The following HS6ST3 variants were observed in gnomAD, a reference collection of about 807,000 sequenced individuals.
HS6ST3 encodes heparan sulfate 6-O-sulfotransferase 3, also known as heparan-sulfate 6-O-sulfotransferase 3.
Under a neutral mutation model 36.7 loss-of-function variants are expected in HS6ST3, and 12 were observed. That is an observed-to-expected ratio of 0.33 (90% CI 0.21 to 0.53). HS6ST3 has a LOEUF of 0.53. Among genes scored for constraint, HS6ST3 ranks in the 20% least tolerant of loss-of-function variants. The pLI is 0.95. For missense variants in HS6ST3, 584 were observed against 640.9 expected, an observed-to-expected ratio of 0.91 and a Z score of 0.96; for synonymous variants, 240 against 257.5, an observed-to-expected ratio of 0.93 and a Z score of 0.65.
At chr13:96,189,720 C>T (rs560913677) in intron 1 of HS6ST3, among the ~76,000 whole-genome samples, 44 of 152,292 alleles carry the variant, frequency 2.9e-4, no homozygotes, top group Admixed American at 5.2e-4. Flanking sequence ...TGCGGGATGA[C>T]TGTGGGTCAG....
intron 1 of HS6ST3, among the ~76,000 whole-genome samples, chr13:96,396,498 A>G (rs575842870): frequency 6.6e-6 from 1 of 152,258 alleles, no homozygotes; most frequent in East Asian, 1.9e-4. Context: ...ATATAGATAT[A>G]TAGGTTCTAC....
chr13:96,150,052 C>T (rs1029440568), intron 1 of HS6ST3, among the ~76,000 whole-genome samples: 1 of 152,062 alleles, frequency 6.6e-6, no homozygotes, highest in Non-Finnish European at 1.5e-5. Flanking sequence ...CTGTTTTGTT[C>T]CTGCCATCCG....
chr13:96,128,791 G>T (rs1179113264), intron 1 of HS6ST3, among the ~76,000 whole-genome samples: 3 of 151,726 alleles, frequency 2.0e-5, no homozygotes, highest in African/African-American at 7.3e-5. Flanking sequence ...AAATGTGAAT[G>T]TGCCTGGGAG....
At chr13:96,487,386 A>G (rs527629299) in intron 1 of HS6ST3, among the ~76,000 whole-genome samples, 1 of 152,232 alleles carries the variant, frequency 6.6e-6, no homozygotes, top group Admixed American at 6.6e-5. Context: ...TGGTCTGTGT[A>G]CCTTATTTCC....
chr13:96,630,191 T>C (rs2056527164), intron 1 of HS6ST3, among the ~76,000 whole-genome samples: 1 of 152,216 alleles, frequency 6.6e-6, no homozygotes, highest in African/African-American at 2.4e-5. Context: ...ACTTAACATA[T>C]GAAGTATTTG....
intron 1 of HS6ST3, among the ~76,000 whole-genome samples, chr13:96,413,643 C>A (rs2055519162): frequency 6.6e-6 from 1 of 152,182 alleles, no homozygotes; most frequent in Non-Finnish European, 1.5e-5. Flanking sequence ...CCAGATCCAT[C>A]TTGAATTTGC....
intron 1 of HS6ST3, among the ~76,000 whole-genome samples, chr13:96,169,087 C>T (rs2054174856): frequency 6.6e-6 from 1 of 152,168 alleles, no homozygotes. Context: ...TTATTTCTGG[C>T]CTGCTGTTGT....
chr13:96,245,195 A>G (rs1159160786), intron 1 of HS6ST3, among the ~76,000 whole-genome samples: 5 of 152,122 alleles, frequency 3.3e-5, no homozygotes, highest in Non-Finnish European at 5.9e-5. Flanking sequence ...CTCTCCTTAG[A>G]GCTGGTCCCT....
intron 1 of HS6ST3, among the ~76,000 whole-genome samples, chr13:96,519,500 C>A (rs2056085269): frequency 6.6e-6 from 1 of 152,192 alleles, no homozygotes. Context: ...ATGGTCCAAC[C>A]AGTGGACATT....
rs768819476 is a variant in HS6ST3 at position 96,453,192 on chromosome 13, A to G, written c.707+361623A>G. 2.9e-4 allele frequency among the ~76,000 whole-genome samples: 44 copies of G among 152,128 alleles called. No individual in the cohort carries two copies. The Middle Eastern group carries it at 0.014, about 47-fold the overall frequency. ...AAAATGCTCTTTTTAAAAAAAAAAA[A>G]AAAAGAAAAAAAGATTTAGAGAGTA... is the stretch of plus-strand genomic sequence containing the variant. On this transcript the variant is annotated intron_variant, in intron 1 of 1. Coordinates refer to ENST00000376705, the MANE Select transcript of HS6ST3 (RefSeq NM_153456.4).
At chr13:96,393,321 A>G (rs1360408044) in intron 1 of HS6ST3, among the ~76,000 whole-genome samples, 1 of 152,158 alleles carries the variant, frequency 6.6e-6, no homozygotes, top group African/African-American at 2.4e-5. Context: ...AGCCCGGAGG[A>G]GACCTAGGGA....
intron 1 of HS6ST3, among the ~76,000 whole-genome samples, chr13:96,643,406 C>T (rs2056577341): frequency 2.0e-5 from 3 of 151,920 alleles, no homozygotes; most frequent in Admixed American, 2.0e-4. Context: ...TGCACAAGGG[C>T]TTCCAGATTC....
chr13:96,130,530 T>C (rs2053970547), intron 1 of HS6ST3, among the ~76,000 whole-genome samples: 3 of 152,200 alleles, frequency 2.0e-5, no homozygotes, highest in South Asian at 4.1e-4. Context: ...GTTGACCAGA[T>C]AGTATTTGAG....
intron 1 of HS6ST3, among the ~76,000 whole-genome samples, chr13:96,601,634 A>G (rs1383479493): frequency 1.3e-5 from 2 of 152,140 alleles, no homozygotes; most frequent in African/African-American, 2.4e-5. Flanking sequence ...TTTGATTTGA[A>G]TCTACTGCTG....
At chr13:96,357,519 A>T (rs1198860355) in intron 1 of HS6ST3, among the ~76,000 whole-genome samples, 1 of 152,196 alleles carries the variant, frequency 6.6e-6, no homozygotes, top group Non-Finnish European at 1.5e-5. Context: ...AAAGCTAGTC[A>T]GTGGAGCAGT....
rs537839404 is a variant in HS6ST3 at position 96,317,326 on chromosome 13, TTATATATATATATA to T, written c.707+225786_707+225799del. On this transcript the variant is annotated intron_variant, in intron 1 of 1. Transcript: ENST00000376705. ...CTTTTTATGGCTGTGTAGTATTCCA[TTATATATATATATA>T]TATATATATATATATATATATATAT... Among the ~76,000 whole-genome samples the T allele has an allele frequency of 7.4e-3, 719 of 96,912 alleles. 7 individuals are homozygous for T. The highest frequency in any genetic ancestry group is 0.024 in the African/African-American group (669 of 27,380). 63.6% of individuals were successfully genotyped at this position (96,912 alleles called of 152,430 possible). A position where few individuals can be genotyped will look rare whatever the true frequency, so the allele number is the denominator to read the frequency against.
chr13:96,612,902 G>A (rs940522550), intron 1 of HS6ST3, among the ~76,000 whole-genome samples: 5 of 152,070 alleles, frequency 3.3e-5, no homozygotes, highest in Admixed American at 6.6e-5. Context: ...TCATGGGGGC[G>A]AGTCAGTCTC....
intron 1 of HS6ST3, among the ~76,000 whole-genome samples, chr13:96,365,769 GTTC>G (rs1377895984): frequency 6.6e-6 from 1 of 152,102 alleles, no homozygotes; most frequent in Non-Finnish European, 1.5e-5. Context: ...GGAACCATAT[GTTC>G]TTCTAGGAAA....
intron 1 of HS6ST3, among the ~76,000 whole-genome samples, chr13:96,479,805 G>T (rs995730870): frequency 6.6e-6 from 1 of 152,074 alleles, no homozygotes; most frequent in Non-Finnish European, 1.5e-5. Flanking sequence ...TTGGGCACTC[G>T]TCCTACATGC....
Sources: allele counts gnomAD v4.1 joint callset (sites outside exome capture counted in the v4.1 genomes callset), GRCh38; gene constraint gnomAD v4.1.1; transcripts MANE v1.5; gene names NCBI Gene and HGNC (gene_info 2026-07-23, HGNC 2026-07-21).